The following MEGF10 variants were observed in gnomAD, a reference collection of about 807,000 sequenced individuals.
The protein encoded by MEGF10 is multiple EGF like domains 10.
A neutral mutation model predicts 147.5 loss-of-function variants in MEGF10; 86 were observed. That is an observed-to-expected ratio of 0.58 (90% CI 0.49 to 0.70). The LOEUF is 0.70. Ranked by LOEUF, MEGF10 falls within the 30% of genes least tolerant of loss-of-function variation. MEGF10 has a pLI of 0.00. For synonymous variants in MEGF10, 478 were observed against 525.5 expected (o/e 0.91, Z 1.24); for missense variants, 1,329 against 1,487.3 (o/e 0.89, Z 1.75).
intron 1 of MEGF10, among the ~76,000 whole-genome samples, chr5:127,324,745 G>T (rs563483563): frequency 6.6e-6 from 1 of 152,312 alleles, no homozygotes; most frequent in South Asian, 2.1e-4. Context: ...CAGAGAGGAA[G>T]AATTAAACTG....
chr5:127,235,314 C>A, the MEGF10 span, among the ~76,000 whole-genome samples: 234 of 152,312 alleles, frequency 1.5e-3, no homozygotes, highest in African/African-American at 5.4e-3. Context: ...GTTTATTCAC[C>A]TCGGTGAGCA....
chr5:127,398,562 G>A, intron 6 of MEGF10, 114 bp from the exon 7 acceptor site: 1 of 1,213,648 alleles, frequency 8.2e-7, no homozygotes, highest in Non-Finnish European at 1.2e-6. Flanking sequence ...TTAATTAAAT[G>A]AACAATTATT....
chr5:127,363,009 A>T (rs1280294179), intron 4 of MEGF10, among the ~76,000 whole-genome samples: 1 of 152,148 alleles, frequency 6.6e-6, no homozygotes, highest in Non-Finnish European at 1.5e-5. Context: ...TTTGAGGCAA[A>T]ATGATGCTTC....
At chr5:127,302,246 A>G (rs1171329310) in intron 1 of MEGF10, among the ~76,000 whole-genome samples, 2 of 152,254 alleles carry the variant, frequency 1.3e-5, no homozygotes, top group Admixed American at 1.3e-4. Context: ...TAAAGGGATA[A>G]ACAAAATGTG....
intron 9 of MEGF10, among the ~76,000 whole-genome samples, chr5:127,416,271 G>A (rs947450251): frequency 5.9e-5 from 9 of 151,678 alleles, no homozygotes; most frequent in African/African-American, 9.7e-5. Flanking sequence ...CTCGTGATCC[G>A]CCCGCCTCAG....
chr5:127,364,452 A>G (rs1762584794), intron 4 of MEGF10, among the ~76,000 whole-genome samples: 1 of 152,244 alleles, frequency 6.6e-6, no homozygotes, highest in African/African-American at 2.4e-5. Context: ...GATCTACATC[A>G]GATTTCCTTT....
chr5:127,436,788 G>A (rs1765564785), intron 16 of MEGF10, among the ~76,000 whole-genome samples: 1 of 152,068 alleles, frequency 6.6e-6, no homozygotes, highest in Non-Finnish European at 1.5e-5. Context: ...CTTCTCCTGG[G>A]GATCATTGAT....
intron 9 of MEGF10, among the ~76,000 whole-genome samples, chr5:127,417,055 G>A (rs1303425576): frequency 6.6e-6 from 1 of 152,198 alleles, no homozygotes; most frequent in Non-Finnish European, 1.5e-5. Context: ...TGTGTTTTGA[G>A]CCAGCATGCC....
At chr5:127,273,121 C>T in the MEGF10 span, among the ~76,000 whole-genome samples, 493 of 152,250 alleles carry the variant, frequency 3.2e-3, 1 homozygote, top group Non-Finnish European at 3.0e-3. Flanking sequence ...TTGTGCATGC[C>T]GGAGCAGCTG....
chr5:127,243,595 G>C, the MEGF10 span, among the ~76,000 whole-genome samples: 1 of 152,134 alleles, frequency 6.6e-6, no homozygotes. Context: ...ATGGTATCCT[G>C]ATTACATCTG....
rs17164938 is a variant in MEGF10, at chr5:127,455,537, G to C, written c.3162G>C (p.Pro1054=). ...SECGYVEMKS[P]ARRDSPYAEI... is the part of the protein sequence containing the mutation. ...GTGGTTATGTGGAGATGAAATCGCC[G>C]GCACGAAGAGATTCCCCATATGCAG... is the stretch of plus-strand genomic sequence containing the variant. The change falls in exon 24 of 25, where the codon CCG becomes CCC. Residue 1054 remains proline (P), a synonymous_variant. Coordinates refer to ENST00000503335, the MANE Select transcript of MEGF10 (RefSeq NM_001256545.2). 6.8e-6 allele frequency: 11 copies of C among 1,613,982 alleles called. No homozygotes were observed. In the East Asian group the frequency reaches 2.5e-4, roughly 36 times the overall value.
the MEGF10 span, among the ~76,000 whole-genome samples, chr5:127,259,854 C>G: frequency 3.3e-5 from 5 of 152,210 alleles, no homozygotes; most frequent in East Asian, 9.7e-4. Flanking sequence ...CTAGCTTATA[C>G]TGTATAAGAA....
chr5:127,346,902 A>G (rs1382414099), intron 4 of MEGF10, among the ~76,000 whole-genome samples: 2 of 152,050 alleles, frequency 1.3e-5, no homozygotes, highest in African/African-American at 4.8e-5. Context: ...TGGGGATGGA[A>G]CTCAAGTCTA....
chr5:127,253,347 A>G, the MEGF10 span, among the ~76,000 whole-genome samples: 2 of 152,010 alleles, frequency 1.3e-5, no homozygotes, highest in Non-Finnish European at 2.9e-5. Context: ...TCTGATAGCA[A>G]TAGAAAATAA....
intron 1 of MEGF10, among the ~76,000 whole-genome samples, chr5:127,292,113 A>G (rs137933911): frequency 2.6e-3 from 394 of 152,270 alleles, no homozygotes; most frequent in Admixed American, 6.0e-3. Flanking sequence ...TTATCCAGAA[A>G]TGTCATCTTC....
At chr5:127,338,384 T>C (rs951681213) in intron 2 of MEGF10, among the ~76,000 whole-genome samples, 4 of 152,158 alleles carry the variant, frequency 2.6e-5, no homozygotes, top group African/African-American at 9.7e-5. Flanking sequence ...GTATTCTTCA[T>C]ATTTCATGGA....
intron 19 of MEGF10, chr5:127,444,811 A>G (rs1178775953): frequency 1.3e-5 from 2 of 152,546 alleles, no homozygotes; most frequent in African/African-American, 4.8e-5. Context: ...TGAAATTAGC[A>G]AAAGGTAGAT....
chr5:127,454,102 G>A (rs536462696), intron 22 of MEGF10, among the ~76,000 whole-genome samples: 5 of 152,288 alleles, frequency 3.3e-5, no homozygotes, highest in African/African-American at 9.6e-5. Flanking sequence ...TAAAGTATTA[G>A]TCAACAGTGT....
chr5:127,236,924 A>C, the MEGF10 span, among the ~76,000 whole-genome samples: 1 of 152,214 alleles, frequency 6.6e-6, no homozygotes, highest in Admixed American at 6.5e-5. Flanking sequence ...TCTTTTCTGC[A>C]GCTCAAGCTG....
Sources: gnomAD v4.1 joint callset for allele counts (sites outside exome capture counted in the v4.1 genomes callset) on GRCh38, gnomAD v4.1.1 for gene constraint, MANE v1.5 for transcripts, NCBI Gene and HGNC (gene_info 2026-07-23, HGNC 2026-07-21) for gene names.